KIAA1328: variants seen among roughly 807,000 people sequenced by gnomAD.
KIAA1328 encodes protein hinderin.
In KIAA1328, 52 loss-of-function variants were observed where a neutral mutation model predicts 68.1. That is an observed-to-expected ratio of 0.76 (90% CI 0.61 to 0.96). KIAA1328 has a LOEUF of 0.96. Ranked by LOEUF, KIAA1328 falls within the 40% of genes least tolerant of loss-of-function variation. KIAA1328 has a pLI of 0.00. For synonymous variants in KIAA1328, 232 were observed against 239.4 expected (o/e 0.97, Z 0.28); for missense variants, 641 against 677.6 (o/e 0.95, Z 0.60).
At chr18:36,964,797 A>G (rs1239472232) in intron 6 of KIAA1328, among the ~76,000 whole-genome samples, 1 of 152,118 alleles carries the variant, frequency 6.6e-6, no homozygotes, top group Non-Finnish European at 1.5e-5. Flanking sequence ...TAGCTATAGT[A>G]CAATCCTAGT....
At chr18:37,004,773 T>C (rs576159605) in intron 6 of KIAA1328, among the ~76,000 whole-genome samples, 2 of 152,156 alleles carry the variant, frequency 1.3e-5, no homozygotes, top group South Asian at 4.1e-4. Flanking sequence ...GGAAAAGAAG[T>C]CATTATACAA....
At chr18:37,036,139 T>G (rs2055017770) in intron 6 of KIAA1328, among the ~76,000 whole-genome samples, 1 of 152,228 alleles carries the variant, frequency 6.6e-6, no homozygotes. Flanking sequence ...AAGCATTTGA[T>G]TACAGATCTT....
chr18:36,957,840 G>A (rs756972468), intron 5 of KIAA1328, among the ~76,000 whole-genome samples: 22 of 151,916 alleles, frequency 1.4e-4, no homozygotes, highest in Non-Finnish European at 2.6e-4. Flanking sequence ...TCACCCTTTT[G>A]AACTATATAA....
Position 37,190,842 on chromosome 18 carries a change from T to C in KIAA1328, c.1523+17761T>C, listed in dbSNP as rs2059891718. Among the ~76,000 whole-genome samples the C allele has an allele frequency of 2.6e-5, 4 of 152,230 alleles. No homozygotes were observed. In the South Asian group the frequency reaches 8.3e-4, roughly 32 times the overall value. On this transcript the variant is annotated intron_variant, in intron 9 of 9. Coordinates refer to ENST00000280020, the MANE Select transcript of KIAA1328 (RefSeq NM_020776.3). The stretch of plus-strand genomic sequence containing the variant: ...GGCCTCCCCATCGATCTTCATCAAA[T>C]TCACTCCTTCCTAGTGACACCTCTT...
chr18:36,856,913 A>C (rs996321539), intron 4 of KIAA1328, among the ~76,000 whole-genome samples: 1 of 152,164 alleles, frequency 6.6e-6, no homozygotes, highest in Admixed American at 6.5e-5. Context: ...CTTGTCATGT[A>C]GTCTCTGAAG....
At chr18:37,083,861 T>G (rs1406548209) in intron 7 of KIAA1328, among the ~76,000 whole-genome samples, 1 of 152,196 alleles carries the variant, frequency 6.6e-6, no homozygotes, top group Non-Finnish European at 1.5e-5. Context: ...GTGCTCCTAT[T>G]GAAGTATCTA....
At chr18:36,933,910 C>T (rs559012775) in intron 5 of KIAA1328, among the ~76,000 whole-genome samples, 3 of 152,340 alleles carry the variant, frequency 2.0e-5, no homozygotes, top group Middle Eastern at 3.4e-3. Flanking sequence ...CTAGAGCTAA[C>T]TGGGGAGATG....
At chr18:36,887,061 T>G (rs2048525079) in intron 5 of KIAA1328, among the ~76,000 whole-genome samples, 1 of 152,006 alleles carries the variant, frequency 6.6e-6, no homozygotes, top group South Asian at 2.1e-4. Flanking sequence ...CTTTTTCAAT[T>G]ATTAATTTTT....
chr18:36,869,083 A>G (rs546126622), intron 4 of KIAA1328, among the ~76,000 whole-genome samples: 1 of 130,700 alleles, frequency 7.7e-6, no homozygotes, highest in East Asian at 2.2e-4. Context: ...AGAAGCCTTT[A>G]TGGATTTTGT....
chr18:37,164,492 C>T (rs557877855), intron 8 of KIAA1328, among the ~76,000 whole-genome samples: 3 of 152,306 alleles, frequency 2.0e-5, no homozygotes, highest in Admixed American at 2.0e-4. Context: ...CGCCTGTAAG[C>T]TCAGCACTTT....
At chr18:37,113,191 C>T (rs1384422246) in intron 7 of KIAA1328, among the ~76,000 whole-genome samples, 1 of 151,948 alleles carries the variant, frequency 6.6e-6, no homozygotes, top group Admixed American at 6.6e-5. Flanking sequence ...AGAGCAACTC[C>T]AAGACACATA....
intron 6 of KIAA1328, among the ~76,000 whole-genome samples, chr18:37,001,957 C>A (rs977219750): frequency 6.6e-6 from 1 of 152,066 alleles, no homozygotes; most frequent in African/African-American, 2.4e-5. Context: ...AACAAGGATG[C>A]CCACTTGCAG....
intron 3 of KIAA1328, among the ~76,000 whole-genome samples, chr18:36,837,114 C>A (rs554126426): frequency 7.2e-5 from 11 of 152,220 alleles, no homozygotes; most frequent in African/African-American, 2.6e-4. Flanking sequence ...TGTGTATATA[C>A]CTATAAGTGA....
At chr18:37,153,219 C>G (rs1003205955) in intron 7 of KIAA1328, among the ~76,000 whole-genome samples, 1 of 152,144 alleles carries the variant, frequency 6.6e-6, no homozygotes, top group African/African-American at 2.4e-5. Context: ...AATACCCACT[C>G]AGGAGCCCCT....
rs117460854 is a variant in KIAA1328 at position 37,046,178 on chromosome 18, C to T, written c.577-20712C>T. 3.4e-3 allele frequency among the ~76,000 whole-genome samples: 520 copies of T among 152,210 alleles called. 18 individuals carry two copies. The East Asian group carries it at 0.084, about 25-fold the overall frequency. ...GGGTTTTTTGTTTGTTTATAATCTT[C>T]ATGGACTGAAACTTTTGTAAAAATT... On this transcript the variant is annotated intron_variant, in intron 6 of 9. Transcript: ENST00000280020.
At chr18:36,847,366 A>G (rs1480903083) in intron 4 of KIAA1328, among the ~76,000 whole-genome samples, 1 of 151,570 alleles carries the variant, frequency 6.6e-6, no homozygotes, top group Admixed American at 6.6e-5. Flanking sequence ...CATTTCCACT[A>G]GCAACTTATG....
intron 6 of KIAA1328, among the ~76,000 whole-genome samples, chr18:37,054,248 A>G (rs1347356322): frequency 2.6e-5 from 4 of 152,214 alleles, no homozygotes; most frequent in Non-Finnish European, 5.9e-5. Context: ...GGAAAACAGT[A>G]TGGAGATTTC....
chr18:36,912,212 G>A (rs1445153159), intron 5 of KIAA1328, among the ~76,000 whole-genome samples: 1 of 152,054 alleles, frequency 6.6e-6, no homozygotes, highest in East Asian at 1.9e-4. Flanking sequence ...TTATCTTACA[G>A]TTCTGGAGGT....
At chr18:37,091,607 C>T (rs1236075310) in intron 7 of KIAA1328, among the ~76,000 whole-genome samples, 1 of 152,182 alleles carries the variant, frequency 6.6e-6, no homozygotes, top group Non-Finnish European at 1.5e-5. Context: ...ACTCAAGCAG[C>T]TGCACCTCCC....
Sources: gnomAD v4.1 joint callset for allele counts (sites outside exome capture counted in the v4.1 genomes callset) on GRCh38, gnomAD v4.1.1 for gene constraint, MANE v1.5 for transcripts, NCBI Gene and HGNC (gene_info 2026-07-23, HGNC 2026-07-21) for gene names.